Variants in LTBP1 observed in about 807,000 individuals in gnomAD.
LTBP1 encodes latent-transforming growth factor beta-binding protein 1.
Under a neutral mutation model 207.6 loss-of-function variants are expected in LTBP1, and 129 were observed. The observed-to-expected ratio is 0.62, with a 90% CI of 0.54 to 0.72. The LOEUF is 0.72. Among genes scored for constraint, LTBP1 ranks in the 30% least tolerant of loss-of-function variants. LTBP1 has a pLI of 0.00. For missense variants in LTBP1, 2,281 were observed against 2,217.2 expected, an observed-to-expected ratio of 1.03 and a Z score of -0.58; for synonymous variants, 963 against 833.7, an observed-to-expected ratio of 1.16 and a Z score of -2.67.
intron 2 of LTBP1, among the ~76,000 whole-genome samples, chr2:33,006,163 C>A (rs1686832847): frequency 6.7e-6 from 1 of 150,222 alleles, no homozygotes; most frequent in South Asian, 2.1e-4. Context: ...CCTCAAGTGA[C>A]CTGCTCATCT....
chr2:32,949,488 G>A (rs556081528), intron 2 of LTBP1, among the ~76,000 whole-genome samples: 8 of 152,324 alleles, frequency 5.3e-5, no homozygotes, highest in African/African-American at 1.9e-4. Flanking sequence ...GGGGTTCTCT[G>A]CAGTGCTTCT....
rs1472900776 is a variant in LTBP1, at chr2:33,284,678, T to C, written c.3112+4520T>C. The stretch of plus-strand genomic sequence containing the variant: ...GAGATCTGGCCTGATTGAAACCCGA[T>C]GAGAGCCATCCCCCAAGGAAACTCT... On this transcript the variant is annotated intron_variant, in intron 19 of 33. Coordinates refer to ENST00000404816, the MANE Select transcript of LTBP1 (RefSeq NM_206943.4). 2.6e-5 allele frequency among the ~76,000 whole-genome samples: 4 copies of C among 152,308 alleles called. No individual in the cohort carries two copies. In the East Asian group the frequency reaches 7.7e-4, roughly 29 times the overall value.
chr2:33,262,854 G>A, intron 14 of LTBP1, 33 bp downstream of exon 14: 2 of 1,472,920 alleles, frequency 1.4e-6, no homozygotes, highest in Non-Finnish European at 9.3e-7. Context: ...GTTTGTCAGA[G>A]TATTCTGAAT....
At chr2:33,123,055 T>C (rs2081237601) in intron 4 of LTBP1, among the ~76,000 whole-genome samples, 1 of 152,108 alleles carries the variant, frequency 6.6e-6, no homozygotes. Flanking sequence ...TCACTCTCTT[T>C]ATAGCTTTTC....
intron 3 of LTBP1, among the ~76,000 whole-genome samples, chr2:33,108,191 G>A (rs2080175057): frequency 6.6e-6 from 1 of 152,082 alleles, no homozygotes; most frequent in Non-Finnish European, 1.5e-5. Flanking sequence ...TGCCTCAGCA[G>A]GGGTCCTGTC....
intron 24 of LTBP1, among the ~76,000 whole-genome samples, chr2:33,319,890 A>G (rs1321427116): frequency 6.6e-6 from 1 of 152,150 alleles, no homozygotes; most frequent in Non-Finnish European, 1.5e-5. Flanking sequence ...CATGGCCAAA[A>G]TCACTCCCTG....
chr2:33,121,276 C>T (rs1012285106), intron 4 of LTBP1, among the ~76,000 whole-genome samples: 100 of 143,164 alleles, frequency 7.0e-4, no homozygotes, highest in African/African-American at 2.3e-3. Context: ...AAGGTTCTAG[C>T]TTTTTTTCTT....
intron 24 of LTBP1, among the ~76,000 whole-genome samples, chr2:33,337,906 A>G (rs997394171): frequency 1.3e-5 from 2 of 152,298 alleles, no homozygotes; most frequent in African/African-American, 2.4e-5. Flanking sequence ...ATTTAGCTTT[A>G]TTTCTCTAGA....
chr2:33,128,757 C>A (rs748856796), intron 4 of LTBP1, among the ~76,000 whole-genome samples: 11 of 152,196 alleles, frequency 7.2e-5, no homozygotes, highest in Non-Finnish European at 1.5e-4. Flanking sequence ...GGATTACATT[C>A]TCAATTCAGA....
At chr2:33,122,402 C>A (rs1558665007) in intron 4 of LTBP1, among the ~76,000 whole-genome samples, 1 of 152,168 alleles carries the variant, frequency 6.6e-6, no homozygotes, top group Non-Finnish European at 1.5e-5. Context: ...AAAAGTGATA[C>A]TATGGGTGAC....
Position 33,389,175 on chromosome 2 carries a change from A to T in LTBP1, c.4712-9A>T, listed in dbSNP as rs774787170. On this transcript the variant is annotated splice_polypyrimidine_tract_variant and intron_variant, in intron 31 of 33. Transcript: ENST00000404816. ...TGGTGGGGCCTCATGCTGCTTGTCT[A>T]CTCCTTAGATGACTATGCTCAGCTG... is the stretch of plus-strand genomic sequence containing the variant. 2 of 1,613,198 alleles carry T rather than the reference A, an allele frequency of 1.2e-6. No individual in the cohort carries two copies. Among genetic ancestry groups the T allele is most frequent in the African/African-American group, 2.7e-5 (2 of 74,612 alleles).
chr2:33,192,523 A>T (rs1024641681), intron 7 of LTBP1, among the ~76,000 whole-genome samples: 4 of 125,212 alleles, frequency 3.2e-5, no homozygotes, highest in Admixed American at 2.3e-4. Context: ...CTGGTTTCTT[A>T]AAAAAAAAAA....
At chr2:33,163,012 C>T (rs528570425) in intron 5 of LTBP1, among the ~76,000 whole-genome samples, 1 of 152,290 alleles carries the variant, frequency 6.6e-6, no homozygotes, top group Admixed American at 6.5e-5. Context: ...GACAAGGCCT[C>T]ACTCCATCAC....
chr2:33,219,592 A>C (rs529998774), intron 8 of LTBP1, among the ~76,000 whole-genome samples: 3 of 151,984 alleles, frequency 2.0e-5, no homozygotes, highest in African/African-American at 7.3e-5. Context: ...GTCTGTAGGA[A>C]TATTGAGGAG....
intron 10 of LTBP1, among the ~76,000 whole-genome samples, chr2:33,251,031 T>C (rs1416689330): frequency 2.0e-5 from 3 of 152,152 alleles, no homozygotes; most frequent in African/African-American, 7.2e-5. Flanking sequence ...GCAAGCCACG[T>C]AGAGACCCAA....
intron 5 of LTBP1, among the ~76,000 whole-genome samples, chr2:33,168,374 A>G (rs980987955): frequency 6.7e-6 from 1 of 148,996 alleles, no homozygotes; most frequent in African/African-American, 2.5e-5. Context: ...GGACAAAGTG[A>G]CAAAGTGAGA....
At chr2:33,020,841 C>T (rs2075131031) in intron 2 of LTBP1, 68 bp from the exon 3 acceptor site, 2 of 1,445,284 alleles carry the variant, frequency 1.4e-6, no homozygotes, top group Non-Finnish European at 1.9e-6. Flanking sequence ...TACTGTTAAC[C>T]CTTTGGAAAA....
chr2:33,012,040 C>T (rs1031733470), intron 2 of LTBP1, among the ~76,000 whole-genome samples: 10 of 152,064 alleles, frequency 6.6e-5, no homozygotes, highest in Non-Finnish European at 1.0e-4. Flanking sequence ...CTTCTCTTTC[C>T]GAAAGACTGG....
intron 20 of LTBP1, 111 bp from the exon 21 acceptor site, chr2:33,300,340 A>T: frequency 9.6e-7 from 1 of 1,046,058 alleles, no homozygotes; most frequent in Non-Finnish European, 1.4e-6. Flanking sequence ...AGTGCCAGAC[A>T]TAAGAAGTAC....
Sources: allele counts gnomAD v4.1 joint callset (sites outside exome capture counted in the v4.1 genomes callset), GRCh38; gene constraint gnomAD v4.1.1; transcripts MANE v1.5; gene names NCBI Gene and HGNC (gene_info 2026-07-23, HGNC 2026-07-21).